Variants in ZNF804B observed in about 807,000 individuals in gnomAD.
ZNF804B encodes zinc finger protein 804B.
A neutral mutation model predicts 101.4 loss-of-function variants in ZNF804B; 80 were observed. That is an observed-to-expected ratio of 0.79 (90% CI 0.66 to 0.95). ZNF804B has a LOEUF of 0.95. ZNF804B is among the 40% of genes least tolerant of loss of function. ZNF804B has a pLI of 0.00. For missense variants in ZNF804B, 1,673 were observed against 1,561.9 expected (o/e 1.07, Z -1.20); for synonymous variants, 622 against 558.8 (o/e 1.11, Z -1.59).
intron 2 of ZNF804B, among the ~76,000 whole-genome samples, chr7:89,228,241 T>A (rs1313265966): frequency 3.1e-5 from 3 of 96,790 alleles, no homozygotes; most frequent in Non-Finnish European, 4.7e-5. Context: ...ACCCAAAGAG[T>A]GAGCAGCAGC....
At chr7:89,199,983 A>G (rs2115646479) in intron 1 of ZNF804B, among the ~76,000 whole-genome samples, 1 of 149,464 alleles carries the variant, frequency 6.7e-6, no homozygotes, top group South Asian at 2.1e-4. Flanking sequence ...TCTATAATAT[A>G]CATATATATA....
chr7:89,117,748 C>G (rs1035924169), intron 1 of ZNF804B, among the ~76,000 whole-genome samples: 1 of 152,110 alleles, frequency 6.6e-6, no homozygotes, highest in African/African-American at 2.4e-5. Flanking sequence ...ACATATGTAA[C>G]TATTGAAAAA....
At chr7:89,027,332 C>T (rs116044543) in intron 1 of ZNF804B, among the ~76,000 whole-genome samples, 10 of 151,960 alleles carry the variant, frequency 6.6e-5, no homozygotes, top group East Asian at 1.9e-4. Context: ...TGAGGATGTT[C>T]GATAGGAAAA....
intron 1 of ZNF804B, among the ~76,000 whole-genome samples, chr7:89,162,300 C>A (rs1791078711): frequency 6.6e-6 from 1 of 152,080 alleles, no homozygotes; most frequent in East Asian, 1.9e-4. Flanking sequence ...TAAACAAATA[C>A]AAAACTTTAA....
intron 1 of ZNF804B, among the ~76,000 whole-genome samples, chr7:88,875,708 C>T (rs909961438): frequency 6.6e-6 from 1 of 152,078 alleles, no homozygotes; most frequent in Admixed American, 6.6e-5. Flanking sequence ...CAGATGGATT[C>T]ACAGCCGAAT....
chr7:89,234,576 A>G (rs1584074047), intron 2 of ZNF804B, among the ~76,000 whole-genome samples: 1 of 152,122 alleles, frequency 6.6e-6, no homozygotes, highest in East Asian at 1.9e-4. Flanking sequence ...GCATTTCCAG[A>G]GGAAATTGGT....
chr7:88,893,211 T>C (rs1291335377), intron 1 of ZNF804B, among the ~76,000 whole-genome samples: 1 of 152,080 alleles, frequency 6.6e-6, no homozygotes, highest in Non-Finnish European at 1.5e-5. Flanking sequence ...GGATTACTAT[T>C]TTATTATAGT....
chr7:88,904,721 G>A (rs1458362026), intron 1 of ZNF804B, among the ~76,000 whole-genome samples: 1 of 151,926 alleles, frequency 6.6e-6, no homozygotes, highest in East Asian at 1.9e-4. Context: ...ATTGTAAATG[G>A]GATTGTGTTC....
chr7:89,103,083 TA>T (rs1471603907), intron 1 of ZNF804B, among the ~76,000 whole-genome samples: 2 of 104,546 alleles, frequency 1.9e-5, no homozygotes, highest in Non-Finnish European at 2.0e-5. Flanking sequence ...TTTTTTTTTT[TA>T]CCAATACTGT....
At chr7:88,825,743 A>T (rs1791042853) in intron 1 of ZNF804B, among the ~76,000 whole-genome samples, 1 of 152,080 alleles carries the variant, frequency 6.6e-6, no homozygotes, top group African/African-American at 2.4e-5. Flanking sequence ...TAAATTCATA[A>T]ATCATTTGAG....
At chr7:89,285,784 C>T (rs1321753314) in intron 2 of ZNF804B, among the ~76,000 whole-genome samples, 1 of 152,078 alleles carries the variant, frequency 6.6e-6, no homozygotes, top group Non-Finnish European at 1.5e-5. Flanking sequence ...CCCTTATCCA[C>T]AATGCTTTTA....
At chr7:89,026,892 T>A (rs937718380) in intron 1 of ZNF804B, among the ~76,000 whole-genome samples, 1 of 152,152 alleles carries the variant, frequency 6.6e-6, no homozygotes, top group African/African-American at 2.4e-5. Flanking sequence ...GAAAAAAGTC[T>A]GAACCACTGA....
At chr7:89,192,221 A>G (rs1228020505) in intron 1 of ZNF804B, among the ~76,000 whole-genome samples, 1 of 152,098 alleles carries the variant, frequency 6.6e-6, no homozygotes, top group African/African-American at 2.4e-5. Context: ...TAATGTATCT[A>G]TCACCCTTGA....
intron 1 of ZNF804B, among the ~76,000 whole-genome samples, chr7:89,091,970 C>G (rs60306587): frequency 0.026 from 3,915 of 152,192 alleles, 180 homozygotes; most frequent in African/African-American, 0.086. Context: ...TTATTTACAT[C>G]TGTTAATAAA....
At chr7:88,937,491 C>T (rs942602696) in intron 1 of ZNF804B, among the ~76,000 whole-genome samples, 2 of 152,012 alleles carry the variant, frequency 1.3e-5, no homozygotes. Context: ...TGACAAGCAT[C>T]AAAACCCCAG....
At chr7:89,287,661 A>T (rs1790225782) in intron 2 of ZNF804B, among the ~76,000 whole-genome samples, 2 of 152,176 alleles carry the variant, frequency 1.3e-5, no homozygotes, top group Non-Finnish European at 1.5e-5. Flanking sequence ...AAATGTAGTG[A>T]GATTCCATAG....
chr7:89,135,636 C>T (rs968883239), intron 1 of ZNF804B, among the ~76,000 whole-genome samples: 5 of 152,014 alleles, frequency 3.3e-5, no homozygotes, highest in African/African-American at 9.7e-5. Flanking sequence ...TTCCATAAAA[C>T]GTGTCCTATC....
intron 1 of ZNF804B, among the ~76,000 whole-genome samples, chr7:88,943,837 T>G (rs1314326370): frequency 4.0e-5 from 6 of 151,880 alleles, no homozygotes; most frequent in Admixed American, 3.9e-4. Flanking sequence ...GAGCCACATT[T>G]TCTTTTAAAA....
At chr7:88,987,332 C>A (rs904345637) in intron 1 of ZNF804B, among the ~76,000 whole-genome samples, 1 of 152,104 alleles carries the variant, frequency 6.6e-6, no homozygotes, top group African/African-American at 2.4e-5. Flanking sequence ...AACTATGTCC[C>A]TTTGTCTCCA....
Sources: gnomAD v4.1 joint callset for allele counts (sites outside exome capture counted in the v4.1 genomes callset) on GRCh38, gnomAD v4.1.1 for gene constraint, MANE v1.5 for transcripts, NCBI Gene and HGNC (gene_info 2026-07-23, HGNC 2026-07-21) for gene names.